The following TAF1B variants were observed in gnomAD, a reference collection of about 807,000 sequenced individuals.
TAF1B encodes TATA box-binding protein-associated factor RNA polymerase I subunit B.
TAF1B carries 61 observed loss-of-function variants against 83.9 expected under a neutral mutation model. That is an observed-to-expected ratio of 0.73 (90% confidence interval 0.59 to 0.90). The LOEUF is 0.90. Ranked by LOEUF, TAF1B falls within the 40% of genes least tolerant of loss-of-function variation. The probability of loss-of-function intolerance (pLI) is 0.00; values close to 1 mark genes in which losing one functional copy is unlikely to be tolerated. For missense variants in TAF1B, 625 were observed against 677.0 expected, an observed-to-expected ratio of 0.92 and a Z score of 0.85; for synonymous variants, 221 against 224.6, an observed-to-expected ratio of 0.98 and a Z score of 0.14.
chr2:9,919,564 T>C (rs913329830), intron 13 of TAF1B, 34 bp from the exon 14 acceptor site: 2 of 1,553,482 alleles, frequency 1.3e-6, no homozygotes, highest in Admixed American at 1.7e-5. Flanking sequence ...TAACATTACT[T>C]GTTATTTTGT....
intron 1 of TAF1B, 66 bp downstream of exon 1, chr2:9,843,625 AGCGGCGGAGGACGCCGCGGGTTGGG>A (rs1215152019): frequency 2.8e-6 from 4 of 1,422,374 alleles, no homozygotes; most frequent in Non-Finnish European, 9.3e-7. Flanking sequence ...GCTGAGGAGG[AGCGGCGGAGGACGCCGCGGGTTGGG>A]GCGGCGACGC....
At chr2:9,849,822 G>A (rs4143792) in intron 3 of TAF1B, among the ~76,000 whole-genome samples, 27,280 of 151,994 alleles carry the variant, frequency 0.18, 3,101 homozygotes, top group East Asian at 0.31. Flanking sequence ...GCTTTGAAAG[G>A]CAAAGTATTT....
chr2:9,855,664 A>G (rs1663541697), intron 5 of TAF1B, among the ~76,000 whole-genome samples: 2 of 152,146 alleles, frequency 1.3e-5, no homozygotes, highest in Non-Finnish European at 1.5e-5. Flanking sequence ...AGCCTGGGCA[A>G]CAGAGTGAGA....
intron 8 of TAF1B, among the ~76,000 whole-genome samples, chr2:9,903,490 C>CA (rs1558259203): frequency 6.6e-6 from 1 of 152,024 alleles, no homozygotes; most frequent in Non-Finnish European, 1.5e-5. Flanking sequence ...ATGGTATATG[C>CA]AAAAAACTTC....
At chr2:9,844,257 C>A (rs1045731076) in intron 1 of TAF1B, 2 of 152,142 alleles carry the variant, frequency 1.3e-5, no homozygotes, top group African/African-American at 2.4e-5. Flanking sequence ...TCGAGAGATC[C>A]TTCCGCCTCA....
At chr2:9,868,183 T>C in intron 5 of TAF1B, 93 bp from the exon 6 acceptor site, 5 of 1,354,226 alleles carry the variant, frequency 3.7e-6, no homozygotes, top group Non-Finnish European at 5.1e-6. Flanking sequence ...TGGTTTCTTT[T>C]AGGGTGTTTG....
At chr2:9,920,560 TG>T (rs1665844172) in intron 14 of TAF1B, among the ~76,000 whole-genome samples, 1 of 123,958 alleles carries the variant, frequency 8.1e-6, no homozygotes, top group African/African-American at 3.1e-5. Flanking sequence ...TCTCAGGGTA[TG>T]GCGTCTGTAG....
intron 14 of TAF1B, among the ~76,000 whole-genome samples, chr2:9,922,320 C>T (rs1032454857): frequency 1.3e-5 from 2 of 152,150 alleles, no homozygotes; most frequent in Non-Finnish European, 2.9e-5. Flanking sequence ...CTTGACCTTC[C>T]CTCTGCTGTC....
chr2:9,871,050 G>T (rs992606681), intron 6 of TAF1B, among the ~76,000 whole-genome samples: 1 of 151,776 alleles, frequency 6.6e-6, no homozygotes, highest in African/African-American at 2.4e-5. Flanking sequence ...TAGACCTGTG[G>T]CCTGGCTGAC....
chr2:9,911,806 C>T (rs533538532), intron 11 of TAF1B, among the ~76,000 whole-genome samples: 1 of 152,304 alleles, frequency 6.6e-6, no homozygotes, highest in African/African-American at 2.4e-5. Flanking sequence ...TTCTACTCAC[C>T]AGCCATGCTA....
intron 3 of TAF1B, among the ~76,000 whole-genome samples, chr2:9,850,027 ATGTGTGTGTG>A (rs3032347): frequency 1.8e-3 from 224 of 123,624 alleles, no homozygotes; most frequent in African/African-American, 3.8e-3. Flanking sequence ...ATATATATAT[ATGTGTGTGTG>A]TGTGTGTGTG....
At chr2:9,916,957 C>T (rs1444652549) in intron 12 of TAF1B, among the ~76,000 whole-genome samples, 1 of 149,560 alleles carries the variant, frequency 6.7e-6, no homozygotes, top group Non-Finnish European at 1.5e-5. Flanking sequence ...AGCAGTTCTT[C>T]TGCCTCAGCC....
chr2:9,846,055 A>G (rs1017519244), intron 2 of TAF1B: 1 of 470,920 alleles, frequency 2.1e-6, no homozygotes, highest in Non-Finnish European at 4.4e-6. Flanking sequence ...ACCTTTGTAT[A>G]GTACCTTACA....
intron 12 of TAF1B, among the ~76,000 whole-genome samples, chr2:9,915,097 C>T (rs1000116746): frequency 6.6e-6 from 1 of 152,188 alleles, no homozygotes; most frequent in African/African-American, 2.4e-5. Flanking sequence ...TTGATGACTT[C>T]TAGCTGTTAT....
At chr2:9,854,023 G>T (rs989409650) in intron 4 of TAF1B, among the ~76,000 whole-genome samples, 2 of 152,196 alleles carry the variant, frequency 1.3e-5, no homozygotes, top group African/African-American at 4.8e-5. Context: ...AGGCAGGTAA[G>T]AATACATTTA....
At chr2:9,853,590 C>T (rs1371578801) in intron 4 of TAF1B, among the ~76,000 whole-genome samples, 1 of 152,034 alleles carries the variant, frequency 6.6e-6, no homozygotes, top group African/African-American at 2.4e-5. Context: ...ACCTCAGCCT[C>T]CCAAGTATCT....
chr2:9,933,729 T>C (rs1666288128), intron 14 of TAF1B, 54 bp from the exon 15 acceptor site: 1 of 1,450,614 alleles, frequency 6.9e-7, no homozygotes, highest in African/African-American at 1.4e-5. Context: ...GGTTAGTGTG[T>C]GCATTTCTTG....
At chr2:9,928,768 A>G (rs1378105827) in intron 14 of TAF1B, among the ~76,000 whole-genome samples, 1 of 152,186 alleles carries the variant, frequency 6.6e-6, no homozygotes, top group Non-Finnish European at 1.5e-5. Flanking sequence ...GGCTGAGATG[A>G]TGGGGTTTTC....
At chr2:9,891,792 A>G (rs1664881315) in intron 8 of TAF1B, among the ~76,000 whole-genome samples, 1 of 152,226 alleles carries the variant, frequency 6.6e-6, no homozygotes, top group African/African-American at 2.4e-5. Flanking sequence ...AGAAAAAAAC[A>G]TTATGGAATA....
Sources: gnomAD v4.1 joint callset for allele counts (sites outside exome capture counted in the v4.1 genomes callset) on GRCh38, gnomAD v4.1.1 for gene constraint, MANE v1.5 for transcripts, NCBI Gene and HGNC (gene_info 2026-07-23, HGNC 2026-07-21) for gene names.